LRRC4C: variants seen among roughly 807,000 people sequenced by gnomAD.
LRRC4C encodes leucine-rich repeat-containing protein 4C.
Under a neutral mutation model 33.6 loss-of-function variants are expected in LRRC4C, and 5 were observed. That is an observed-to-expected ratio of 0.15 (90% CI 0.08 to 0.31). LRRC4C has a LOEUF of 0.31. Ranked by LOEUF, LRRC4C falls within the 10% of genes least tolerant of loss-of-function variation. The pLI, the probability that LRRC4C is intolerant of heterozygous loss-of-function variation, is 1.00. For synonymous variants in LRRC4C, 329 were observed against 302.0 expected (o/e 1.09, Z -0.93); for missense variants, 560 against 796.7 (o/e 0.70, Z 3.58).
rs1956206229 is a variant in LRRC4C at position 40,529,919 on chromosome 11, T to C, written c.-270+118223A>G. ...TACCAACACAGCACATGTAAACCTA[T>C]GTAACAAACCTGCGTGTTGTGCTCA... On this transcript the variant is annotated intron_variant, in intron 3 of 6. Coordinates refer to ENST00000528697, the MANE Select transcript of LRRC4C (RefSeq NM_001258419.2). Among the ~76,000 whole-genome samples the C allele has an allele frequency of 2.0e-5, 3 of 152,250 alleles. No individual in the cohort carries two copies. The South Asian group carries it at 6.2e-4, about 32-fold the overall frequency.
At chr11:40,652,932 T>C (rs1565601879) in intron 2 of LRRC4C, among the ~76,000 whole-genome samples, 3 of 152,156 alleles carry the variant, frequency 2.0e-5, no homozygotes, top group Non-Finnish European at 2.9e-5. Flanking sequence ...AGTTTCCCCC[T>C]GCTGTTCTCA....
At chr11:41,453,484 G>C (rs1263312080) in intron 1 of LRRC4C, among the ~76,000 whole-genome samples, 1 of 152,054 alleles carries the variant, frequency 6.6e-6, no homozygotes, top group Non-Finnish European at 1.5e-5. Context: ...GCTTGCTCTG[G>C]ACTGTCTATA....
At chr11:41,385,715 T>A (rs1006369875) in intron 1 of LRRC4C, among the ~76,000 whole-genome samples, 2 of 151,154 alleles carry the variant, frequency 1.3e-5, no homozygotes, top group African/African-American at 4.8e-5. Context: ...AACAAAATAA[T>A]ATAAAAGAAA....
chr11:40,271,145 T>C (rs889881868), intron 4 of LRRC4C, among the ~76,000 whole-genome samples: 1 of 152,174 alleles, frequency 6.6e-6, no homozygotes, highest in Non-Finnish European at 1.5e-5. Context: ...ATTACCCAGA[T>C]ATATTTATTA....
intron 1 of LRRC4C, among the ~76,000 whole-genome samples, chr11:41,069,390 A>G (rs942287121): frequency 1.3e-5 from 2 of 152,154 alleles, no homozygotes; most frequent in Admixed American, 6.5e-5. Flanking sequence ...CACCACTCCT[A>G]TTCAATTTAG....
At chr11:40,535,920 A>G (rs998143336) in intron 3 of LRRC4C, among the ~76,000 whole-genome samples, 1 of 152,190 alleles carries the variant, frequency 6.6e-6, no homozygotes, top group African/African-American at 2.4e-5. Flanking sequence ...TATTTTGCAG[A>G]CGCTATGCAT....
intron 3 of LRRC4C, among the ~76,000 whole-genome samples, chr11:40,412,682 C>T (rs1950194819): frequency 6.6e-6 from 1 of 151,990 alleles, no homozygotes; most frequent in African/African-American, 2.4e-5. Flanking sequence ...TTCTGAAGCA[C>T]AGTTCTGCGA....
At chr11:40,184,460 A>C (rs1861253059) in intron 5 of LRRC4C, among the ~76,000 whole-genome samples, 2 of 152,298 alleles carry the variant, frequency 1.3e-5, no homozygotes, top group Non-Finnish European at 2.9e-5. Flanking sequence ...AATAGAAGAA[A>C]ACAAGGGAAT....
intron 2 of LRRC4C, among the ~76,000 whole-genome samples, chr11:40,850,104 T>C (rs979982548): frequency 1.3e-5 from 2 of 151,964 alleles, no homozygotes; most frequent in African/African-American, 2.4e-5. Context: ...GAGTTTGTTA[T>C]TACCCACATT....
At chr11:41,366,969 C>G (rs1952567364) in intron 1 of LRRC4C, among the ~76,000 whole-genome samples, 1 of 151,904 alleles carries the variant, frequency 6.6e-6, no homozygotes, top group Non-Finnish European at 1.5e-5. Flanking sequence ...TAATAGAGAC[C>G]AAAAAATTTG....
At chr11:41,067,636 T>G (rs551998671) in intron 1 of LRRC4C, among the ~76,000 whole-genome samples, 2 of 152,234 alleles carry the variant, frequency 1.3e-5, no homozygotes, top group Non-Finnish European at 2.9e-5. Flanking sequence ...GCATGGCACT[T>G]ATTCTACAAC....
At chr11:40,573,096 G>T (rs567598407) in intron 3 of LRRC4C, among the ~76,000 whole-genome samples, 1 of 152,232 alleles carries the variant, frequency 6.6e-6, no homozygotes, top group African/African-American at 2.4e-5. Flanking sequence ...ATTGCTCTGG[G>T]ATTGGAGATT....
chr11:41,068,552 C>T (rs1366130279), intron 1 of LRRC4C, among the ~76,000 whole-genome samples: 1 of 152,138 alleles, frequency 6.6e-6, no homozygotes, highest in Non-Finnish European at 1.5e-5. Context: ...ACTGACCCCA[C>T]AGAAATACAA....
At chr11:41,339,887 A>T (rs1951574764) in intron 1 of LRRC4C, among the ~76,000 whole-genome samples, 1 of 152,192 alleles carries the variant, frequency 6.6e-6, no homozygotes, top group Admixed American at 6.5e-5. Context: ...ATATTTCAAC[A>T]AAGTTACCTG....
At chr11:41,381,652 A>C (rs991453068) in intron 1 of LRRC4C, among the ~76,000 whole-genome samples, 1 of 151,324 alleles carries the variant, frequency 6.6e-6, no homozygotes, top group African/African-American at 2.4e-5. Flanking sequence ...AAAAAGAAAG[A>C]TGGAAAAAAG....
chr11:41,101,025 A>T (rs1005530869), intron 1 of LRRC4C, among the ~76,000 whole-genome samples: 3 of 152,186 alleles, frequency 2.0e-5, no homozygotes, highest in African/African-American at 7.2e-5. Context: ...AAAGACTTAA[A>T]TATAACACCT....
intron 1 of LRRC4C, among the ~76,000 whole-genome samples, chr11:41,316,277 A>C (rs1200640616): frequency 2.7e-5 from 4 of 150,146 alleles, no homozygotes; most frequent in African/African-American, 7.3e-5. Context: ...AAAAAAAAAA[A>C]AACAAAAAAA....
At chr11:40,501,638 G>A (rs1331676320) in intron 3 of LRRC4C, among the ~76,000 whole-genome samples, 1 of 152,104 alleles carries the variant, frequency 6.6e-6, no homozygotes, top group Non-Finnish European at 1.5e-5. Context: ...TGGCTGGGAA[G>A]CAGGGCACCA....
intron 3 of LRRC4C, among the ~76,000 whole-genome samples, chr11:40,433,822 C>T (rs368260716): frequency 6.6e-6 from 1 of 151,996 alleles, no homozygotes; most frequent in East Asian, 1.9e-4. Flanking sequence ...ACCAGCAGAG[C>T]GAGGTGTCCT....
Sources: gnomAD v4.1 joint callset for allele counts (sites outside exome capture counted in the v4.1 genomes callset) on GRCh38, gnomAD v4.1.1 for gene constraint, MANE v1.5 for transcripts, NCBI Gene and HGNC (gene_info 2026-07-23, HGNC 2026-07-21) for gene names.